DNM3: variants seen among roughly 807,000 people sequenced by gnomAD.
The protein encoded by DNM3 is dynamin-3.
In DNM3, 47 loss-of-function variants were observed where a neutral mutation model predicts 101.6. That is an observed-to-expected ratio of 0.46 (90% CI 0.37 to 0.59). The LOEUF (loss-of-function observed/expected upper bound fraction) is 0.59, where lower values mean the gene tolerates loss of function less well. Ranked by LOEUF, DNM3 falls within the 20% of genes least tolerant of loss-of-function variation. DNM3 has a pLI of 0.00. For synonymous variants in DNM3, 385 were observed against 387.9 expected, an observed-to-expected ratio of 0.99 and a Z score of 0.09; for missense variants, 849 against 1,085.7, an observed-to-expected ratio of 0.78 and a Z score of 3.06.
At chr1:171,852,980 A>T (rs544676167) in intron 1 of DNM3, among the ~76,000 whole-genome samples, 15 of 152,274 alleles carry the variant, frequency 9.9e-5, no homozygotes, top group African/African-American at 3.1e-4. Flanking sequence ...TGTGTTTTCT[A>T]TAGGTTATCT....
intron 12 of DNM3, among the ~76,000 whole-genome samples, chr1:172,088,879 A>T (rs1016780320): frequency 3.9e-5 from 6 of 152,238 alleles, no homozygotes; most frequent in African/African-American, 1.4e-4. Context: ...GAGCCAAGAG[A>T]TAACATTAGG....
At chr1:172,003,912 G>A (rs1454691313) in intron 4 of DNM3, among the ~76,000 whole-genome samples, 2 of 151,900 alleles carry the variant, frequency 1.3e-5, no homozygotes, top group African/African-American at 4.8e-5. Flanking sequence ...GGGCAGCACT[G>A]GGGGACTCTA....
At chr1:171,938,850 A>C (rs1046595171) in intron 2 of DNM3, among the ~76,000 whole-genome samples, 3 of 152,178 alleles carry the variant, frequency 2.0e-5, no homozygotes, top group Non-Finnish European at 4.4e-5. Context: ...AGTTGGTGCT[A>C]TCTGGGACTG....
chr1:172,304,980 C>T (rs547912594), intron 15 of DNM3, among the ~76,000 whole-genome samples: 19 of 151,920 alleles, frequency 1.3e-4, no homozygotes, highest in Middle Eastern at 3.4e-3. Context: ...GAACTAGAGA[C>T]GCAAAAGCAA....
intron 1 of DNM3, among the ~76,000 whole-genome samples, chr1:171,888,612 A>G (rs2036986993): frequency 6.6e-6 from 1 of 152,220 alleles, no homozygotes; most frequent in Non-Finnish European, 1.5e-5. Context: ...AGGGTCAAAT[A>G]TGATAATACA....
At chr1:172,044,493 C>T in intron 9 of DNM3, 41 bp downstream of exon 9, 1 of 1,525,826 alleles carries the variant, frequency 6.6e-7, no homozygotes, top group Non-Finnish European at 8.9e-7. Context: ...TTCAAGCTAC[C>T]AAAAGAAAAT....
chr1:172,406,875 C>T (rs1045867449), intron 20 of DNM3, among the ~76,000 whole-genome samples: 6 of 151,550 alleles, frequency 4.0e-5, no homozygotes, highest in South Asian at 2.1e-4. Context: ...CAAAAAGAAA[C>T]ATTTCAATTT....
chr1:172,193,950 G>T (rs1444962130), intron 14 of DNM3, among the ~76,000 whole-genome samples: 2 of 152,062 alleles, frequency 1.3e-5, no homozygotes, highest in African/African-American at 4.8e-5. Flanking sequence ...TAATTGTGAT[G>T]TTAGGGTGTC....
intron 1 of DNM3, among the ~76,000 whole-genome samples, chr1:171,907,624 C>A (rs2038942989): frequency 6.6e-6 from 1 of 152,152 alleles, no homozygotes; most frequent in East Asian, 1.9e-4. Context: ...CCCTTTCTTT[C>A]TCTCTGACCT....
chr1:171,844,447 A>G (rs762281962), intron 1 of DNM3, among the ~76,000 whole-genome samples: 4 of 152,290 alleles, frequency 2.6e-5, no homozygotes, highest in South Asian at 4.1e-4. Context: ...TTTCTCAACA[A>G]TCCTCATTTA....
At chr1:172,148,575 A>C (rs2058010603) in intron 14 of DNM3, among the ~76,000 whole-genome samples, 1 of 152,090 alleles carries the variant, frequency 6.6e-6, no homozygotes, top group African/African-American at 2.4e-5. Context: ...TTGGCCTTCT[A>C]ATGTTCTGGA....
chr1:172,121,024 A>G (rs2056282836), intron 13 of DNM3, among the ~76,000 whole-genome samples: 1 of 152,184 alleles, frequency 6.6e-6, no homozygotes, highest in Non-Finnish European at 1.5e-5. Flanking sequence ...GTAAACATCC[A>G]CATTTTATTC....
At chr1:172,373,018 A>G (rs1211958609) in intron 17 of DNM3, among the ~76,000 whole-genome samples, 1 of 152,004 alleles carries the variant, frequency 6.6e-6, no homozygotes, top group East Asian at 1.9e-4. Context: ...TTTATCAAAT[A>G]TTTCATTTAA....
At chr1:171,858,759 A>G (rs1002479513) in intron 1 of DNM3, among the ~76,000 whole-genome samples, 4 of 152,136 alleles carry the variant, frequency 2.6e-5, no homozygotes, top group African/African-American at 9.7e-5. Context: ...AGGATAACGA[A>G]TGCAGTGTGT....
chr1:171,949,535 G>A (rs1220713955), intron 2 of DNM3, among the ~76,000 whole-genome samples: 1 of 151,964 alleles, frequency 6.6e-6, no homozygotes, highest in African/African-American at 2.4e-5. Context: ...TCAGCCTCCT[G>A]AATATATGGG....
intron 4 of DNM3, among the ~76,000 whole-genome samples, chr1:172,024,227 C>A (rs1473665564): frequency 6.6e-6 from 1 of 151,690 alleles, no homozygotes; most frequent in East Asian, 1.9e-4. Context: ...AATAAACATT[C>A]AAAAAAGTAA....
intron 13 of DNM3, among the ~76,000 whole-genome samples, chr1:172,107,177 TA>T (rs1045742884): frequency 3.3e-5 from 5 of 152,076 alleles, no homozygotes; most frequent in African/African-American, 1.2e-4. Context: ...TTATTCTTTA[TA>T]AAAAAATAAT....
chr1:172,169,864 T>A (rs2209096), intron 14 of DNM3, among the ~76,000 whole-genome samples: 1 of 151,808 alleles, frequency 6.6e-6, no homozygotes, highest in African/African-American at 2.4e-5. Context: ...ATCCATAATT[T>A]TGTTTCTTTT....
At chr1:172,008,871 A>C (rs7542408) in intron 4 of DNM3, among the ~76,000 whole-genome samples, 40,742 of 136,514 alleles carry the variant, frequency 0.3, 7,585 homozygotes, top group African/African-American at 0.53. Context: ...CTATATAAAT[A>C]ATATTAATAT....
Sources: allele counts gnomAD v4.1 joint callset (sites outside exome capture counted in the v4.1 genomes callset), GRCh38; gene constraint gnomAD v4.1.1; transcripts MANE v1.5; gene names NCBI Gene and HGNC (gene_info 2026-07-23, HGNC 2026-07-21).